The following AKAP19 variants were observed in gnomAD, a reference collection of about 807,000 sequenced individuals.
AKAP19 encodes the protein small A-kinase anchoring protein.
chr2:190,097,185 C>T, the AKAP19 span, among the ~76,000 whole-genome samples: 1 of 152,096 alleles, frequency 6.6e-6, no homozygotes, highest in African/African-American at 2.4e-5. Flanking sequence ...GTATTAAGCC[C>T]AGCATCCATT....
the AKAP19 span, among the ~76,000 whole-genome samples, chr2:190,082,100 T>G: frequency 8.5e-5 from 13 of 152,338 alleles, no homozygotes; most frequent in Non-Finnish European, 1.5e-4. Context: ...AGGGTTTTTG[T>G]GCCCTCTACT....
chr2:189,913,584 T>C, the AKAP19 span, among the ~76,000 whole-genome samples: 4 of 152,110 alleles, frequency 2.6e-5, no homozygotes, highest in African/African-American at 9.6e-5. Flanking sequence ...TTGGCTTTCC[T>C]CTTGGTTCTC....
At chr2:190,082,159 G>A in the AKAP19 span, among the ~76,000 whole-genome samples, 79 of 152,278 alleles carry the variant, frequency 5.2e-4, 1 homozygote, top group Non-Finnish European at 5.7e-4. Flanking sequence ...GGATCATGCC[G>A]ACAGCCATTT....
At chr2:190,106,221 A>G in the AKAP19 span, among the ~76,000 whole-genome samples, 2 of 152,232 alleles carry the variant, frequency 1.3e-5, no homozygotes, top group African/African-American at 4.8e-5. Flanking sequence ...ATGGCCTCAT[A>G]TGCCTCTATG....
At chr2:190,199,923 G>GCATGAGAGTGAAGAAC in the AKAP19 span, 10 of 1,614,112 alleles carry the variant, frequency 6.2e-6, no homozygotes, top group Non-Finnish European at 8.5e-6. Context: ...GTGAGAAGCA[G>GCATGAGAGTGAAGAAC]CATGAGAGTG....
At chr2:189,961,690 A>G in the AKAP19 span, among the ~76,000 whole-genome samples, 1 of 152,008 alleles carries the variant, frequency 6.6e-6, no homozygotes, top group Non-Finnish European at 1.5e-5. Flanking sequence ...AGGTGGGTGG[A>G]TCATGAGGTA....
chr2:189,955,158 C>T, the AKAP19 span, among the ~76,000 whole-genome samples: 1 of 152,100 alleles, frequency 6.6e-6, no homozygotes, highest in Non-Finnish European at 1.5e-5. Flanking sequence ...TCTGCATGTA[C>T]CCGTTGTTTA....
At chr2:190,148,899 C>T in the AKAP19 span, among the ~76,000 whole-genome samples, 1 of 148,614 alleles carries the variant, frequency 6.7e-6, no homozygotes, top group Admixed American at 6.6e-5. Flanking sequence ...TTTCCCTCTT[C>T]TTTTCTTGGT....
At chr2:189,976,365 T>C in the AKAP19 span, among the ~76,000 whole-genome samples, 1 of 152,236 alleles carries the variant, frequency 6.6e-6, no homozygotes, top group Non-Finnish European at 1.5e-5. Flanking sequence ...GTACCAGCCA[T>C]GTGAGGTGTT....
At chr2:189,918,247 G>T in the AKAP19 span, among the ~76,000 whole-genome samples, 4 of 151,994 alleles carry the variant, frequency 2.6e-5, no homozygotes, top group Non-Finnish European at 5.9e-5. Context: ...ATTTATCTAT[G>T]TTTTTTACTT....
chr2:190,164,923 G>C, the AKAP19 span, among the ~76,000 whole-genome samples: 1 of 152,144 alleles, frequency 6.6e-6, no homozygotes, highest in Non-Finnish European at 1.5e-5. Context: ...GAGTACATGT[G>C]CATGATTTTT....
the AKAP19 span, among the ~76,000 whole-genome samples, chr2:189,890,542 G>T: frequency 2.6e-5 from 4 of 152,130 alleles, no homozygotes; most frequent in Non-Finnish European, 4.4e-5. Flanking sequence ...CACTATTATT[G>T]TGTGGGAGTC....
chr2:190,067,295 T>C, the AKAP19 span, among the ~76,000 whole-genome samples: 6 of 152,150 alleles, frequency 3.9e-5, no homozygotes, highest in Middle Eastern at 6.8e-3. Flanking sequence ...ATGAAAACAG[T>C]TTTTATTTCA....
At chr2:189,949,839 C>T in the AKAP19 span, among the ~76,000 whole-genome samples, 1 of 151,094 alleles carries the variant, frequency 6.6e-6, no homozygotes. Flanking sequence ...ACCATGTTGT[C>T]CAGGATGGTG....
the AKAP19 span, among the ~76,000 whole-genome samples, chr2:189,912,903 C>A: frequency 1.3e-5 from 2 of 151,998 alleles, no homozygotes; most frequent in Non-Finnish European, 2.9e-5. Context: ...CCAAAAGGAC[C>A]AGAAAAACTG....
At chr2:190,013,331 C>G in the AKAP19 span, among the ~76,000 whole-genome samples, 2 of 151,974 alleles carry the variant, frequency 1.3e-5, no homozygotes, top group African/African-American at 2.4e-5. Context: ...CATGATTCAG[C>G]CTTGGTAGGT....
the AKAP19 span, among the ~76,000 whole-genome samples, chr2:189,933,825 T>A: frequency 6.6e-6 from 1 of 152,166 alleles, no homozygotes; most frequent in South Asian, 2.1e-4. Flanking sequence ...TATTTGATAT[T>A]ATTTTGTCAC....
At chr2:189,940,999 T>C in the AKAP19 span, among the ~76,000 whole-genome samples, 4 of 152,088 alleles carry the variant, frequency 2.6e-5, no homozygotes, top group African/African-American at 9.7e-5. Flanking sequence ...ATCTTAAAAA[T>C]AGCAAGAGAA....
the AKAP19 span, among the ~76,000 whole-genome samples, chr2:190,096,884 G>A: frequency 6.6e-6 from 1 of 152,072 alleles, no homozygotes; most frequent in Non-Finnish European, 1.5e-5. Flanking sequence ...AAAGGCGAGA[G>A]ACAGCCCAAC....
Sources: allele counts gnomAD v4.1 joint callset (sites outside exome capture counted in the v4.1 genomes callset), GRCh38; gene constraint gnomAD v4.1.1; transcripts MANE v1.5; gene names NCBI Gene and HGNC (gene_info 2026-07-23, HGNC 2026-07-21).